ASB4: variants seen among roughly 807,000 people sequenced by gnomAD.
The protein encoded by ASB4 is ankyrin repeat and SOCS box protein 4.
A neutral mutation model predicts 38.6 loss-of-function variants in ASB4; 35 were observed. The observed-to-expected ratio is 0.91, with a 90% CI of 0.69 to 1.20. The LOEUF is 1.20. ASB4 is among the 50% of genes most tolerant of loss of function. The probability of loss-of-function intolerance (pLI) is 0.00; values close to 1 mark genes in which losing one functional copy is unlikely to be tolerated. For synonymous variants in ASB4, 195 were observed against 201.3 expected (o/e 0.97, Z 0.26); for missense variants, 557 against 527.2 (o/e 1.06, Z -0.55).
intron 2 of ASB4, among the ~76,000 whole-genome samples, chr7:95,525,338 A>G (rs948543854): frequency 1.3e-5 from 2 of 152,220 alleles, no homozygotes; most frequent in African/African-American, 4.8e-5. Context: ...TTGTATTTTC[A>G]CATTAAAAAT....
At chr7:95,485,879 A>T, upstream of ASB4, 1 of 1,091,344 alleles carries the variant, frequency 9.2e-7, no homozygotes, top group Non-Finnish European at 1.3e-6. Context: ...GGATAAAATT[A>T]GCCGACAGTT....
chr7:95,525,370 T>C lies in ASB4; in HGVS notation c.488-2443T>C, dbSNP rs116749734. ...AAATATATTTCAAAGTTCCCAGGAG[T>C]TGATGTTTCTGGTCTCTAATTTATT... On this transcript the variant is annotated intron_variant, in intron 2 of 4. Coordinates refer to ENST00000325885, the MANE Select transcript of ASB4 (RefSeq NM_016116.3). Among the ~76,000 whole-genome samples the C allele has an allele frequency of 9.3e-3, 1,423 of 152,292 alleles. 20 individuals are homozygous for C. Among genetic ancestry groups the C allele is most frequent in the African/African-American group, 0.033 (1,358 of 41,552 alleles).
intron 2 of ASB4, among the ~76,000 whole-genome samples, chr7:95,516,873 C>T (rs918287429): frequency 6.6e-6 from 1 of 152,118 alleles, no homozygotes; most frequent in Non-Finnish European, 1.5e-5. Flanking sequence ...CTGTGTGATC[C>T]CATCTGCTTC....
At chr7:95,536,046 C>A (rs1790885024) in intron 3 of ASB4, among the ~76,000 whole-genome samples, 1 of 152,188 alleles carries the variant, frequency 6.6e-6, no homozygotes, top group Non-Finnish European at 1.5e-5. Flanking sequence ...TTCTTCAATT[C>A]TCATCTTCTT....
chr7:95,543,334 G>A (rs1790994064), downstream of ASB4: 1 of 152,088 alleles, frequency 6.6e-6, no homozygotes, highest in Admixed American at 6.6e-5. Context: ...GCAGAAGATT[G>A]GGGCCCTTCC....
intron 2 of ASB4, among the ~76,000 whole-genome samples, chr7:95,525,474 G>A (rs113971437): frequency 8.8e-4 from 134 of 151,586 alleles, no homozygotes; most frequent in African/African-American, 3.0e-3. Context: ...TTACACTGGC[G>A]ACACAATTCA....
At chr7:95,505,981 C>A (rs1241325702) in intron 2 of ASB4, among the ~76,000 whole-genome samples, 1 of 152,156 alleles carries the variant, frequency 6.6e-6, no homozygotes, top group African/African-American at 2.4e-5. Flanking sequence ...GCAGGTTTGA[C>A]TTCCCAGGCT....
At chr7:95,536,663 A>C (rs1562823643) in intron 4 of ASB4, 113 bp downstream of exon 4, 1 of 608,206 alleles carries the variant, frequency 1.6e-6, no homozygotes, top group Non-Finnish European at 2.9e-6. Flanking sequence ...TTTAAAGCGT[A>C]CTCAAATGCA....
At chr7:95,534,819 T>A (rs761306107) in intron 3 of ASB4, among the ~76,000 whole-genome samples, 1 of 152,220 alleles carries the variant, frequency 6.6e-6, no homozygotes, top group Non-Finnish European at 1.5e-5. Flanking sequence ...GTCATAGTAC[T>A]AAACCCAGTG....
rs190133105 is a variant in ASB4, at chr7:95,525,217, C to T, written c.488-2596C>T. The stretch of plus-strand genomic sequence containing the variant: ...GTCTCTGGAAGAAACCAACCCTAGA[C>T]ACTTTAATTTTGGACTTCCAGTCTC... On this transcript the variant is annotated intron_variant, in intron 2 of 4. Coordinates refer to ENST00000325885, the MANE Select transcript of ASB4 (RefSeq NM_016116.3). Among the ~76,000 whole-genome samples, 189 of 152,294 alleles carry T rather than the reference C, an allele frequency of 1.2e-3. 2 individuals carry two copies. Among genetic ancestry groups the T allele is most frequent in the African/African-American group, 4.2e-3 (174 of 41,566 alleles).
At chr7:95,487,915 A>G (rs1409811994) in intron 1 of ASB4, among the ~76,000 whole-genome samples, 1 of 152,206 alleles carries the variant, frequency 6.6e-6, no homozygotes, top group African/African-American at 2.4e-5. Context: ...TATGCAGGAA[A>G]TTTGTGTCTG....
chr7:95,526,653 G>A (rs1790740966), intron 2 of ASB4, among the ~76,000 whole-genome samples: 1 of 152,168 alleles, frequency 6.6e-6, no homozygotes, highest in African/African-American at 2.4e-5. Flanking sequence ...CCACTGCAAA[G>A]GATTACTTGG....
At chr7:95,482,125 T>C (rs1382461532), upstream of ASB4, among the ~76,000 whole-genome samples, 1 of 152,250 alleles carries the variant, frequency 6.6e-6, no homozygotes, top group Non-Finnish European at 1.5e-5. Flanking sequence ...AAATAATCTG[T>C]AAGTTTTATC....
At chr7:95,495,622 A>G in intron 1 of ASB4, 136 bp from the exon 2 acceptor site, 1 of 807,278 alleles carries the variant, frequency 1.2e-6, no homozygotes, top group Non-Finnish European at 1.9e-6. Flanking sequence ...TTAGTTTAAA[A>G]CCTCTGTCAT....
At chr7:95,486,277 AT>A (rs1188359411) in intron 1 of ASB4, 119 bp downstream of exon 1, 38 of 734,510 alleles carry the variant, frequency 5.2e-5, no homozygotes, top group South Asian at 5.7e-5. Flanking sequence ...CATTTAAAAA[AT>A]ATTTCTAAAT....
intron 2 of ASB4, among the ~76,000 whole-genome samples, chr7:95,515,267 C>CTCTTTCTT (rs1227960057): frequency 0.018 from 1,332 of 72,542 alleles, 48 homozygotes; most frequent in Admixed American, 0.024. Context: ...TTCTTTCTTT[C>CTCTTTCTT]TCTTTCTTTC....
chr7:95,517,065 A>G (rs1265923288), intron 2 of ASB4, among the ~76,000 whole-genome samples: 6 of 152,202 alleles, frequency 3.9e-5, no homozygotes, highest in Non-Finnish European at 8.8e-5. Context: ...TGTGTTAATG[A>G]TCATTTGCAT....
chr7:95,503,504 C>T (rs191784830), intron 2 of ASB4, among the ~76,000 whole-genome samples: 5 of 152,322 alleles, frequency 3.3e-5, no homozygotes, highest in Admixed American at 6.5e-5. Context: ...CCACTGCCAC[C>T]TAATAAATGA....
intron 3 of ASB4, 76 bp downstream of exon 3, chr7:95,528,379 A>C (rs977666502): frequency 7.5e-6 from 12 of 1,599,794 alleles, no homozygotes; most frequent in Admixed American, 1.7e-5. Flanking sequence ...CAAGTAACTC[A>C]AGCTTGCTTG....
Sources: gnomAD v4.1 joint callset for allele counts (sites outside exome capture counted in the v4.1 genomes callset) on GRCh38, gnomAD v4.1.1 for gene constraint, MANE v1.5 for transcripts, NCBI Gene and HGNC (gene_info 2026-07-23, HGNC 2026-07-21) for gene names.